Variants in GMCL1 observed in about 807,000 individuals in gnomAD.
GMCL1 encodes germ cell-less 1, spermatogenesis associated.
In GMCL1, 54 loss-of-function variants were observed where a neutral mutation model predicts 75.5. The observed-to-expected ratio is 0.71, with a 90% confidence interval of 0.57 to 0.90. The LOEUF is 0.90. GMCL1 is among the 40% of genes least tolerant of loss of function. The pLI, the probability that GMCL1 is intolerant of heterozygous loss-of-function variation, is 0.00. For synonymous variants in GMCL1, 210 were observed against 209.6 expected (o/e 1.00, Z -0.02); for missense variants, 537 against 622.7 (o/e 0.86, Z 1.47).
chr2:69,863,981 G>A (rs906905925), intron 10 of GMCL1, among the ~76,000 whole-genome samples: 3 of 151,728 alleles, frequency 2.0e-5, no homozygotes, highest in South Asian at 2.1e-4. Flanking sequence ...GCTTCCACTC[G>A]GGCACAAATA....
intron 1 of GMCL1, among the ~76,000 whole-genome samples, chr2:69,835,253 A>T (rs537791263): frequency 2.8e-4 from 42 of 151,614 alleles, no homozygotes; most frequent in Admixed American, 2.3e-3. Context: ...TTGTTTTTTT[A>T]AATTTCAGTA....
intron 4 of GMCL1, among the ~76,000 whole-genome samples, chr2:69,841,938 A>G (rs1369518144): frequency 6.6e-6 from 1 of 152,208 alleles, no homozygotes; most frequent in East Asian, 1.9e-4. Flanking sequence ...ATTGCAGAAG[A>G]GGGGGGCAGA....
chr2:69,830,210 G>C (rs944591503), intron 1 of GMCL1, 58 bp downstream of exon 1: 22 of 1,510,496 alleles, frequency 1.5e-5, no homozygotes, highest in Non-Finnish European at 1.8e-5. Context: ...GCCTGGGGCC[G>C]AGCCGGCGCC....
At position 69,869,714 on chromosome 2, in the gene GMCL1, T is replaced by G; in HGVS notation, c.1219-5T>G. The G allele has an allele frequency of 6.2e-7, 1 of 1,613,122 alleles. No individual in the cohort carries two copies. Among genetic ancestry groups the G allele is most frequent in the African/African-American group, 1.3e-5 (1 of 74,994 alleles). On this transcript the variant is annotated splice_polypyrimidine_tract_variant and splice_region_variant and intron_variant, in intron 11 of 13. Coordinates refer to ENST00000282570, the MANE Select transcript of GMCL1 (RefSeq NM_178439.5). ...GAAATAAGTCTTCTCTCTTGTATTT[T>G]TTAGTACTGCTGGCGTTGGACAGGT... is the stretch of plus-strand genomic sequence containing the variant.
At position 69,878,296 on chromosome 2, in the gene GMCL1, G is replaced by A. The variant is rs1263585856; in HGVS notation, c.1453-613G>A. Among the ~76,000 whole-genome samples the A allele has an allele frequency of 2.6e-5, 4 of 152,100 alleles. No homozygotes were observed. In the East Asian group the frequency reaches 5.8e-4, roughly 22 times the overall value. On this transcript the variant is annotated intron_variant, in intron 13 of 13. Transcript: ENST00000282570. ...CTTTTTGATGATGATAATGACTCCC[G>A]ACCTTCATCTGGGTGATTTGCTGTA... is the stretch of plus-strand genomic sequence containing the variant.
At chr2:69,864,792 C>T in intron 10 of GMCL1, 108 bp from the exon 11 acceptor site, 1 of 705,150 alleles carries the variant, frequency 1.4e-6, no homozygotes, top group Non-Finnish European at 2.4e-6. Context: ...ACCACAAAAA[C>T]TTATTTTTAA....
chr2:69,872,077 A>C (rs1414972059), intron 13 of GMCL1, among the ~76,000 whole-genome samples: 2 of 152,230 alleles, frequency 1.3e-5, no homozygotes, highest in Non-Finnish European at 2.9e-5. Flanking sequence ...CACTGATTAT[A>C]AGGAAATAAT....
chr2:69,832,530 A>C (rs766278878), intron 1 of GMCL1, among the ~76,000 whole-genome samples: 1 of 152,226 alleles, frequency 6.6e-6, no homozygotes, highest in Admixed American at 6.5e-5. Flanking sequence ...TCACATGTAT[A>C]TAACAAGTAG....
At chr2:69,872,274 A>G (rs1676003094) in intron 13 of GMCL1, among the ~76,000 whole-genome samples, 1 of 152,204 alleles carries the variant, frequency 6.6e-6, no homozygotes, top group Non-Finnish European at 1.5e-5. Flanking sequence ...TTAGGTTCGT[A>G]AGATGGCAAA....
Position 69,840,974 on chromosome 2 carries a change from G to C in GMCL1, c.514G>C (p.Asp172His). 9 of 1,614,050 alleles carry C rather than the reference G, an allele frequency of 5.6e-6. No individual in the cohort carries two copies. Among genetic ancestry groups the C allele is most frequent in the Non-Finnish European group, 6.8e-6 (8 of 1,179,948 alleles). The change falls in exon 4 of 14, where the codon GAT becomes CAT. Residue 172 changes from aspartate (D) to histidine (H), a missense_variant. Asp to His is a moderately conservative substitution (Grantham distance 81). Coordinates refer to ENST00000282570, the MANE Select transcript of GMCL1 (RefSeq NM_178439.5). ...LQVAFGSLYR[D>H]DVLIKPSRVV... ...GGTTGCATTTGGTTCACTGTATCGA[G>C]ATGATGTCTTGATAAAGCCCAGTCG...
intron 4 of GMCL1, 155 bp from the exon 5 acceptor site, chr2:69,842,990 TAAAA>T: frequency 1.4e-5 from 3 of 213,714 alleles, no homozygotes; most frequent in Admixed American, 1.3e-4. Flanking sequence ...TTGGACTTGT[TAAAA>T]AAAAAAAAAA....
chr2:69,850,756 A>C (rs551068056), intron 8 of GMCL1, among the ~76,000 whole-genome samples: 1 of 152,246 alleles, frequency 6.6e-6, no homozygotes, highest in Non-Finnish European at 1.5e-5. Context: ...CCATGGTACA[A>C]ATTTTCCCAT....
rs968818087 is a variant in GMCL1, at chr2:69,830,044, A to G, written c.152A>G (p.Lys51Arg). 2.6e-6 allele frequency: 4 copies of G among 1,565,770 alleles called. No homozygotes were observed. Among genetic ancestry groups the G allele is most frequent in the South Asian group, 1.2e-5 (1 of 85,652 alleles). Residue 51 changes from lysine to arginine, a missense_variant, in exon 1 of 14, where the codon AAG becomes AGG. By Grantham distance (26) the Lys-to-Arg change is conservative. Transcript: ENST00000282570. ...HGFCYCAGSH[K>R]RKRSSGSFCY... ...TTCTGTTACTGTGCGGGCAGCCACA[A>G]GCGCAAGCGGAGCAGCGGGTCCTTC...
At chr2:69,854,028 C>T (rs1297256779) in intron 8 of GMCL1, among the ~76,000 whole-genome samples, 1 of 152,096 alleles carries the variant, frequency 6.6e-6, no homozygotes, top group Admixed American at 6.5e-5. Flanking sequence ...TGATCTTGAA[C>T]TCCTGACCTC....
chr2:69,853,607 C>G (rs1292142081), intron 8 of GMCL1, among the ~76,000 whole-genome samples: 1 of 152,088 alleles, frequency 6.6e-6, no homozygotes, highest in Non-Finnish European at 1.5e-5. Flanking sequence ...TACATACTCT[C>G]CTGGGTATAT....
At chr2:69,860,980 T>G (rs1268747345) in intron 9 of GMCL1, among the ~76,000 whole-genome samples, 2 of 152,124 alleles carry the variant, frequency 1.3e-5, no homozygotes. Context: ...GTAGTTGGGA[T>G]TACAGGCGCC....
At chr2:69,842,701 A>G (rs74693682) in intron 4 of GMCL1, 5 of 152,454 alleles carry the variant, frequency 3.3e-5, no homozygotes, top group Admixed American at 6.5e-5. Flanking sequence ...TCTCTTAGAT[A>G]TTGTAGTTAT....
chr2:69,873,150 C>G (rs932069407), intron 13 of GMCL1, among the ~76,000 whole-genome samples: 3 of 152,112 alleles, frequency 2.0e-5, no homozygotes, highest in African/African-American at 7.2e-5. Context: ...GGAAAACATC[C>G]TCTCCTGGAA....
intron 7 of GMCL1, among the ~76,000 whole-genome samples, chr2:69,848,514 T>C (rs1675219056): frequency 6.6e-6 from 1 of 152,112 alleles, no homozygotes. Flanking sequence ...CAAGATCAGC[T>C]TGGGTAACAT....
Sources: allele counts gnomAD v4.1 joint callset (sites outside exome capture counted in the v4.1 genomes callset), GRCh38; gene constraint gnomAD v4.1.1; transcripts MANE v1.5; gene names NCBI Gene and HGNC (gene_info 2026-07-23, HGNC 2026-07-21).